DPP6: variants seen among roughly 807,000 people sequenced by gnomAD.
The protein encoded by DPP6 is dipeptidyl peptidase like 6.
Under a neutral mutation model 122.6 loss-of-function variants are expected in DPP6, and 69 were observed. The observed-to-expected ratio is 0.56, with a 90% CI of 0.46 to 0.69. The LOEUF (loss-of-function observed/expected upper bound fraction) is 0.69. Among genes scored for constraint, DPP6 ranks in the 30% least tolerant of loss-of-function variants. The probability of loss-of-function intolerance (pLI) is 0.00; values close to 1 mark genes in which losing one functional copy is unlikely to be tolerated. For synonymous variants in DPP6, 418 were observed against 433.1 expected (o/e 0.97, Z 0.43); for missense variants, 928 against 1,116.9 (o/e 0.83, Z 2.41).
At chr7:154,704,765 A>G (rs149428192) in intron 7 of DPP6, among the ~76,000 whole-genome samples, 2 of 152,354 alleles carry the variant, frequency 1.3e-5, no homozygotes, top group African/African-American at 4.8e-5. Context: ...TCTACAGCAG[A>G]GTATAAACAT....
chr7:154,769,556 C>G lies in DPP6; in HGVS notation c.1023C>G (p.Pro341=), dbSNP rs1254535954. ...GCTCCATCTACCCCACCGTGAAGCCCTACCACTATCCCAAGGTAGGCAAAG... is the reference window on the plus strand; with the variant it reads ...GCTCCATCTACCCCACCGTGAAGCCGTACCACTATCCCAAGGTAGGCAAAG... The part of the protein sequence containing the change: ...YTGSIYPTVK[P]YHYPKAGSEN... Residue 341 remains proline (P), a synonymous_variant, in exon 9 of 26, where the codon CCC becomes CCG. Coordinates refer to ENST00000377770, the MANE Select transcript of DPP6 (RefSeq NM_130797.4). 1.9e-6 allele frequency: 3 copies of G among 1,605,502 alleles called. No individual in the cohort carries two copies. The highest frequency in any genetic ancestry group is 2.6e-6 in the Non-Finnish European group (3 of 1,174,430).
At position 154,282,980 on chromosome 7, in the gene DPP6, T is replaced by C. The variant is rs1804622904; in HGVS notation, c.244-163234T>C. 6.6e-6 allele frequency among the ~76,000 whole-genome samples: 1 copy of C among 152,082 alleles called. No individual in the cohort carries two copies. The highest frequency in any genetic ancestry group is 1.5e-5 in the Non-Finnish European group (1 of 68,024). The stretch of plus-strand genomic sequence containing the variant: ...GGCATCAGACATCAGAACACGTCTC[T>C]CTCTGGACTCAGGGACAATACCCAT... On this transcript the variant is annotated intron_variant, in intron 1 of 25. Coordinates refer to ENST00000377770, the MANE Select transcript of DPP6 (RefSeq NM_130797.4). This position sits in a 1 kb window ranked among gnomAD's most constrained non-coding sequence, Gnocchi z 4.8.
the DPP6 span, among the ~76,000 whole-genome samples, chr7:153,824,334 C>T: frequency 7.1e-6 from 1 of 140,988 alleles, no homozygotes; most frequent in East Asian, 2.1e-4. Context: ...TTGCTGTGAG[C>T]CAAGATCACA....
intron 10 of DPP6, among the ~76,000 whole-genome samples, chr7:154,774,204 C>T (rs2150386473): frequency 6.6e-6 from 1 of 152,196 alleles, no homozygotes; most frequent in East Asian, 1.9e-4. Context: ...CAACTGGTCA[C>T]TGGGGTATCA....
chr7:154,305,643 G>T (rs1374932481), intron 1 of DPP6: 11 of 1,493,504 alleles, frequency 7.4e-6, no homozygotes, highest in South Asian at 1.2e-5. Flanking sequence ...AGACAGAGAG[G>T]GAGGATATGT....
intron 1 of DPP6, among the ~76,000 whole-genome samples, chr7:154,091,128 A>G (rs1170923099): frequency 2.6e-5 from 4 of 152,090 alleles, no homozygotes; most frequent in Non-Finnish European, 5.9e-5. Flanking sequence ...CTCAAAAAAA[A>G]AAAAAAATCA....
intron 1 of DPP6, among the ~76,000 whole-genome samples, chr7:154,185,914 A>G (rs1798331101): frequency 6.6e-6 from 1 of 152,266 alleles, no homozygotes; most frequent in Non-Finnish European, 1.5e-5. Flanking sequence ...TGTGTATAGT[A>G]TATAAGCGGG....
intron 1 of DPP6, among the ~76,000 whole-genome samples, chr7:154,367,909 C>T (rs747656910): frequency 4.5e-4 from 69 of 152,260 alleles, no homozygotes; most frequent in African/African-American, 1.4e-3. Flanking sequence ...CGGGTTCAAG[C>T]GATTCTCCTG....
chr7:153,995,563 C>A, intron 1 of DPP6, among the ~76,000 whole-genome samples: 1 of 113,904 alleles, frequency 8.8e-6, no homozygotes, highest in Admixed American at 1.3e-4. Context: ...CAGTATGGCC[C>A]AGGTGAAAGA....
rs1817180228 is a variant in DPP6, at chr7:154,418,126, G to A, written c.244-28088G>A. ...CAGCCAGAAACCATCTCCTCCTCCA[G>A]CATGCCATAGCAGAACCTAAAAAGT... On this transcript the variant is annotated intron_variant, in intron 1 of 25. Coordinates refer to ENST00000377770, the MANE Select transcript of DPP6 (RefSeq NM_130797.4). Among the ~76,000 whole-genome samples, 6 of 152,270 alleles carry A rather than the reference G, an allele frequency of 3.9e-5. No individual in the cohort carries two copies. The Middle Eastern group carries it at 0.017, about 432-fold the overall frequency.
chr7:154,297,199 G>A (rs762929664), intron 1 of DPP6, among the ~76,000 whole-genome samples: 1 of 151,688 alleles, frequency 6.6e-6, no homozygotes, highest in Non-Finnish European at 1.5e-5. Context: ...CAGAGTTGCT[G>A]TAGACCAGGG....
chr7:153,954,777 A>G (rs916405847), intron 1 of DPP6, among the ~76,000 whole-genome samples: 1 of 152,180 alleles, frequency 6.6e-6, no homozygotes, highest in Admixed American at 6.5e-5. Context: ...CTGTGACTCC[A>G]ACCTGTTGGT....
At chr7:154,555,000 T>C (rs1829911667) in intron 4 of DPP6, among the ~76,000 whole-genome samples, 1 of 152,126 alleles carries the variant, frequency 6.6e-6, no homozygotes, top group African/African-American at 2.4e-5. Context: ...AAATAATTGC[T>C]TAAATATGCT....
chr7:153,867,719 G>C, the DPP6 span, among the ~76,000 whole-genome samples: 1 of 152,110 alleles, frequency 6.6e-6, no homozygotes, highest in Non-Finnish European at 1.5e-5. Context: ...GGGCATCCCT[G>C]TCTTGTGCCG....
At chr7:154,305,030 GCC>G (rs1806178589) in intron 1 of DPP6, 1 of 12,176 alleles carries the variant, frequency 8.2e-5, no homozygotes, top group Non-Finnish European at 1.7e-4. Context: ...CCCAGCCCCA[GCC>G]CCAGCCCCAG....
At chr7:154,625,783 C>T (rs1207388859) in intron 5 of DPP6, among the ~76,000 whole-genome samples, 1 of 152,206 alleles carries the variant, frequency 6.6e-6, no homozygotes, top group East Asian at 1.9e-4. Flanking sequence ...CTGTGCCTTT[C>T]CCCCTCTGTT....
the DPP6 span, among the ~76,000 whole-genome samples, chr7:153,824,715 G>C: frequency 4.0e-5 from 6 of 151,676 alleles, no homozygotes; most frequent in Admixed American, 1.3e-4. Flanking sequence ...AAAAAAAGAT[G>C]TAAGTATTGG....
intron 1 of DPP6, among the ~76,000 whole-genome samples, chr7:154,406,707 T>C (rs1352238351): frequency 1.3e-5 from 2 of 151,034 alleles, no homozygotes; most frequent in South Asian, 2.1e-4. Context: ...TGGAACTTCT[T>C]AGGCAAATTC....
chr7:154,151,433 A>T (rs1796414401), intron 1 of DPP6, among the ~76,000 whole-genome samples: 1 of 152,056 alleles, frequency 6.6e-6, no homozygotes, highest in Admixed American at 6.5e-5. Context: ...CAATACTGTC[A>T]CTTCTTAGAA....
Sources: allele counts gnomAD v4.1 joint callset (sites outside exome capture counted in the v4.1 genomes callset), GRCh38; gene constraint gnomAD v4.1.1; non-coding constraint Gnocchi (gnomAD v3.1); transcripts MANE v1.5; gene names NCBI Gene and HGNC (gene_info 2026-07-23, HGNC 2026-07-21).